Variants in MDGA2 observed in about 807,000 individuals in gnomAD.
The protein encoded by MDGA2 is MAM domain containing glycosylphosphatidylinositol anchor 2.
Under a neutral mutation model 117.8 loss-of-function variants are expected in MDGA2, and 40 were observed. The observed-to-expected ratio is 0.34, with a 90% CI of 0.26 to 0.44. The LOEUF is 0.44. Ranked by LOEUF, MDGA2 falls within the 20% of genes least tolerant of loss-of-function variation. The pLI is 1.00. For missense variants in MDGA2, 1,123 were observed against 1,250.6 expected (o/e 0.90, Z 1.54); for synonymous variants, 452 against 439.0 (o/e 1.03, Z -0.37).
chr14:47,506,831 G>A (rs763595264), intron 1 of MDGA2, among the ~76,000 whole-genome samples: 3 of 152,126 alleles, frequency 2.0e-5, no homozygotes, highest in African/African-American at 7.2e-5. Flanking sequence ...AACAAAGGAT[G>A]GAACTGAGGT....
At chr14:47,090,168 GTCCTT>G (rs1288322177) in intron 6 of MDGA2, among the ~76,000 whole-genome samples, 2 of 152,036 alleles carry the variant, frequency 1.3e-5, no homozygotes, top group African/African-American at 4.8e-5. Context: ...AAAGACTACA[GTCCTT>G]TCATGTTGAT....
chr14:47,631,396 T>C (rs1479336534), intron 1 of MDGA2, among the ~76,000 whole-genome samples: 1 of 152,208 alleles, frequency 6.6e-6, no homozygotes, highest in Non-Finnish European at 1.5e-5. Flanking sequence ...CCTCCCTAAA[T>C]ACATTTCCAT....
At chr14:47,044,210 A>C (rs1889176940) in intron 7 of MDGA2, among the ~76,000 whole-genome samples, 1 of 152,168 alleles carries the variant, frequency 6.6e-6, no homozygotes, top group African/African-American at 2.4e-5. Flanking sequence ...TAAAGCATAT[A>C]AATTTCAAGA....
intron 5 of MDGA2, among the ~76,000 whole-genome samples, chr14:47,128,718 A>T (rs1882032345): frequency 2.1e-5 from 3 of 142,842 alleles, no homozygotes; most frequent in Non-Finnish European, 3.0e-5. Flanking sequence ...TTTTTTTGAG[A>T]CAGTCTCTCA....
At chr14:47,062,728 A>C (rs1363977486) in intron 6 of MDGA2, among the ~76,000 whole-genome samples, 1 of 152,060 alleles carries the variant, frequency 6.6e-6, no homozygotes, top group African/African-American at 2.4e-5. Flanking sequence ...GCCCCTCCTT[A>C]GTTTAACCAT....
intron 1 of MDGA2, among the ~76,000 whole-genome samples, chr14:47,311,730 C>CA: frequency 6.6e-6 from 1 of 152,188 alleles, no homozygotes; most frequent in Admixed American, 6.6e-5. Flanking sequence ...CCCTGAAGAT[C>CA]ATGTGTTTTT....
At chr14:47,274,498 GT>G (rs1215450228) in intron 2 of MDGA2, among the ~76,000 whole-genome samples, 4 of 152,150 alleles carry the variant, frequency 2.6e-5, no homozygotes, top group Non-Finnish European at 4.4e-5. Context: ...TATTTGGGTT[GT>G]TTCCACTTTT....
chr14:47,315,146 T>A (rs1429115511), intron 1 of MDGA2, among the ~76,000 whole-genome samples: 1 of 152,182 alleles, frequency 6.6e-6, no homozygotes, highest in Non-Finnish European at 1.5e-5. Context: ...ATTTCTAAGC[T>A]AAGCTCTATC....
At chr14:47,372,072 A>G (rs1343793605) in intron 1 of MDGA2, among the ~76,000 whole-genome samples, 2 of 151,822 alleles carry the variant, frequency 1.3e-5, no homozygotes, top group African/African-American at 4.8e-5. Flanking sequence ...TTGCATTAAC[A>G]TCAGGAATAT....
chr14:47,010,061 T>G (rs775133784), intron 8 of MDGA2, among the ~76,000 whole-genome samples: 1 of 152,044 alleles, frequency 6.6e-6, no homozygotes, highest in East Asian at 1.9e-4. Flanking sequence ...CTATGTAGGA[T>G]TGAATCTTCC....
rs1008212894 is a variant in MDGA2 at position 46,854,368 on chromosome 14, G to A, written c.2883+656C>T. Among the ~76,000 whole-genome samples the A allele has an allele frequency of 4.7e-4, 71 of 151,292 alleles. 1 individual carries two copies. The highest frequency in any genetic ancestry group is 1.7e-3 in the African/African-American group (70 of 41,410). ...TGTATATATTTATATATGTATATAT[G>A]TTTATACACATTAAAATCATTAAAC... is the stretch of plus-strand genomic sequence containing the variant. On this transcript the variant is annotated intron_variant, in intron 15 of 16. Coordinates refer to ENST00000399232, the MANE Select transcript of MDGA2 (RefSeq NM_001113498.3).
chr14:47,027,154 C>T (rs891756471), intron 8 of MDGA2, among the ~76,000 whole-genome samples: 3 of 151,360 alleles, frequency 2.0e-5, no homozygotes, highest in Non-Finnish European at 4.4e-5. Context: ...ACACAGAGAC[C>T]CTGTCTCAAA....
chr14:47,636,432 T>A (rs1244893500), intron 1 of MDGA2, among the ~76,000 whole-genome samples: 2 of 152,114 alleles, frequency 1.3e-5, no homozygotes, highest in Admixed American at 6.5e-5. Context: ...AAAATTGTTG[T>A]AGCTACAGAA....
At chr14:47,343,347 G>T in intron 1 of MDGA2, 2 of 793,360 alleles carry the variant, frequency 2.5e-6, no homozygotes, top group Non-Finnish European at 3.1e-6. Context: ...TACTCCCACA[G>T]CTCAAAGGAG....
chr14:47,284,887 T>C (rs879734035), intron 2 of MDGA2, among the ~76,000 whole-genome samples: 8 of 152,110 alleles, frequency 5.3e-5, no homozygotes, highest in South Asian at 2.1e-4. Flanking sequence ...GTATGTCTAA[T>C]AGTATATTAA....
intron 4 of MDGA2, among the ~76,000 whole-genome samples, chr14:47,132,296 C>T (rs189671680): frequency 1.6e-4 from 25 of 151,836 alleles, no homozygotes; most frequent in Admixed American, 1.5e-3. Context: ...AAATGAAACA[C>T]GGTTGTTAGA....
intron 2 of MDGA2, among the ~76,000 whole-genome samples, chr14:47,225,554 C>T (rs112780384): frequency 2.3e-4 from 10 of 43,606 alleles, no homozygotes; most frequent in African/African-American, 5.1e-4. Flanking sequence ...AGTAAACTAT[C>T]GCCAAGGACA....
intron 1 of MDGA2, among the ~76,000 whole-genome samples, chr14:47,342,256 T>TTATATATATATATATATATATA: frequency 1.5e-5 from 2 of 134,070 alleles, no homozygotes; most frequent in African/African-American, 5.2e-5. Context: ...CACAAAATGT[T>TTATATATATATATATATATATA]TATATATATA....
intron 5 of MDGA2, among the ~76,000 whole-genome samples, chr14:47,100,436 T>C (rs760647108): frequency 3.9e-5 from 6 of 152,144 alleles, no homozygotes; most frequent in South Asian, 2.1e-4. Context: ...CATGTGTTAA[T>C]TGAATTATCT....
Sources: allele counts gnomAD v4.1 joint callset (sites outside exome capture counted in the v4.1 genomes callset), GRCh38; gene constraint gnomAD v4.1.1; transcripts MANE v1.5; gene names NCBI Gene and HGNC (gene_info 2026-07-23, HGNC 2026-07-21).